SUSD4: variants seen among roughly 807,000 people sequenced by gnomAD.
SUSD4 encodes the protein sushi domain containing 4.
Under a neutral mutation model 50.5 loss-of-function variants are expected in SUSD4, and 41 were observed. The ratio of observed to expected loss-of-function variants is 0.81; its 90% CI spans 0.63 to 1.05. The LOEUF is 1.05. SUSD4 is among the 50% of genes least tolerant of loss of function. SUSD4 has a pLI of 0.00. For synonymous variants in SUSD4, 257 were observed against 257.3 expected, an observed-to-expected ratio of 1.00 and a Z score of 0.01; for missense variants, 580 against 634.7, an observed-to-expected ratio of 0.91 and a Z score of 0.93.
chr1:223,234,924 A>C (rs1408666445), intron 5 of SUSD4: 2 of 1,565,582 alleles, frequency 1.3e-6, no homozygotes, highest in Non-Finnish European at 1.7e-6. Flanking sequence ...GTTTAATTCA[A>C]ACGTCCTTTA....
intron 3 of SUSD4, among the ~76,000 whole-genome samples, chr1:223,284,624 T>G (rs966599173): frequency 6.6e-6 from 1 of 152,274 alleles, no homozygotes; most frequent in South Asian, 2.1e-4. Context: ...CAACAATAGA[T>G]GAATGGGTAA....
chr1:223,297,328 G>A (rs1260877597), intron 2 of SUSD4, among the ~76,000 whole-genome samples: 2 of 152,176 alleles, frequency 1.3e-5, no homozygotes, highest in African/African-American at 4.8e-5. Context: ...CCAAGGGATG[G>A]TTTTTATTAT....
At chr1:223,349,277 C>T (rs1413965977) in intron 2 of SUSD4, among the ~76,000 whole-genome samples, 1 of 152,142 alleles carries the variant, frequency 6.6e-6, no homozygotes, top group Admixed American at 6.5e-5. Flanking sequence ...TATGTGATGG[C>T]CTCCAGTTAC....
intron 5 of SUSD4, among the ~76,000 whole-genome samples, chr1:223,261,307 T>TC (rs1001230718): frequency 6.6e-6 from 1 of 152,200 alleles, no homozygotes; most frequent in African/African-American, 2.4e-5. Flanking sequence ...CAAATTGCTT[T>TC]CCCCCTGTTA....
intron 2 of SUSD4, among the ~76,000 whole-genome samples, chr1:223,327,808 T>C (rs1401154382): frequency 6.6e-6 from 1 of 152,216 alleles, no homozygotes. Context: ...CAGGCAGTTG[T>C]CACCCGCCTC....
Position 223,229,133 on chromosome 1 carries a change from C to T in SUSD4, c.916+64G>A, listed in dbSNP as rs1228072995. On this transcript the variant is annotated intron_variant, in intron 6 of 8. Transcript: ENST00000366878. This position sits in a 1 kb window ranked among gnomAD's most constrained non-coding sequence, Gnocchi z 4.7. ...GATACAGCTTGGTACATAACCACCA[C>T]CCACTATGTGCAGATGGTCCAAGGA... The T allele has an allele frequency of 1.4e-6, 2 of 1,476,562 alleles. No homozygotes were observed. Among genetic ancestry groups the T allele is most frequent in the East Asian group, 2.3e-5 (1 of 43,450 alleles). The allele number at this position is 1,476,562 out of a possible 1,614,324, so 91.5% of individuals were successfully genotyped here.
intron 5 of SUSD4, among the ~76,000 whole-genome samples, chr1:223,241,855 GTCCTGGAAATTTGT>G (rs1471053621): frequency 1.3e-5 from 2 of 152,176 alleles, no homozygotes; most frequent in African/African-American, 4.8e-5. Flanking sequence ...GCCTTTCAGA[GTCCTGGAAATTTGT>G]TCCTTAGTCT....
chr1:223,317,235 T>A (rs1342140053), intron 2 of SUSD4, among the ~76,000 whole-genome samples: 1 of 152,120 alleles, frequency 6.6e-6, no homozygotes, highest in Non-Finnish European at 1.5e-5. Flanking sequence ...TCTCTGGTCA[T>A]CCTCACTGCT....
In SUSD4 at chr1:223,264,577, T is replaced by C. The variant is rs115931987; in HGVS notation, c.724+53A>G. The C allele has an allele frequency of 6.9e-6, 11 of 1,599,566 alleles. No individual in the cohort carries two copies. In the East Asian group the frequency reaches 2.0e-4, roughly 29 times the overall value. On this transcript the variant is annotated intron_variant, in intron 5 of 8. Coordinates refer to ENST00000366878, the MANE Select transcript of SUSD4 (RefSeq NM_017982.4). ...ACAGCTCTTCCTCCTACTGATCTTC[T>C]TCCTCCCTTTAATAATACAAAATAC...
chr1:223,290,242 A>G (rs1301993655), intron 3 of SUSD4, among the ~76,000 whole-genome samples: 1 of 152,228 alleles, frequency 6.6e-6, no homozygotes. Flanking sequence ...ACAAAGCAGA[A>G]AAAAGACATT....
At position 223,227,754 on chromosome 1, in the gene SUSD4, C is replaced by CAAA; in HGVS notation, c.917-19_917-17dup. 1 of 1,599,232 alleles carries CAAA rather than the reference C, an allele frequency of 6.3e-7. No individual in the cohort carries two copies. The highest frequency in any genetic ancestry group is 8.5e-7 in the Non-Finnish European group (1 of 1,170,754). Reference sequence around the variant, plus strand: ...CACGTTTGCTCTGCATGAGGGAGAACAAAGCTGTACGTGAGGCTCCCAGAC... The same window carrying CAAA: ...CACGTTTGCTCTGCATGAGGGAGAACAAAAAAGCTGTACGTGAGGCTCCCAGAC... On this transcript the variant is annotated splice_polypyrimidine_tract_variant and intron_variant, in intron 6 of 8. Coordinates refer to ENST00000366878, the MANE Select transcript of SUSD4 (RefSeq NM_017982.4). The surrounding 1 kb of genome is among the most constrained non-coding windows in gnomAD (Gnocchi z 4.5).
intron 4 of SUSD4, 113 bp downstream of exon 4, chr1:223,268,389 T>C (rs935925188): frequency 7.2e-7 from 1 of 1,392,716 alleles, no homozygotes; most frequent in African/African-American, 1.5e-5. Context: ...GTAGATGGCT[T>C]TGTTCATTTC....
intron 5 of SUSD4, among the ~76,000 whole-genome samples, chr1:223,252,236 A>AAAT (rs1343732568): frequency 1.3e-4 from 12 of 89,712 alleles, no homozygotes; most frequent in African/African-American, 4.5e-4. Context: ...AAAAAAAAAA[A>AAAT]ATATATATAT....
At chr1:223,240,514 G>A (rs1188921222) in intron 5 of SUSD4, among the ~76,000 whole-genome samples, 2 of 151,698 alleles carry the variant, frequency 1.3e-5, no homozygotes, top group Non-Finnish European at 2.9e-5. Flanking sequence ...TTTCAGTTTG[G>A]GAGGATTCTA....
At position 223,227,505 on chromosome 1, in the gene SUSD4, C is replaced by T. The variant is rs1357824007; in HGVS notation, c.1061+89G>A. ...CCCCTGTTTCCCTTTAGAGCTTCAA[C>T]TTTTCACTCATCACTTTCTCCCTCT... On this transcript the variant is annotated intron_variant, in intron 7 of 8. Transcript: ENST00000366878. The surrounding 1 kb of genome is among the most constrained non-coding windows in gnomAD (Gnocchi z 4.5). 2 of 1,519,218 alleles carry T rather than the reference C, an allele frequency of 1.3e-6. No homozygotes were observed. The highest frequency in any genetic ancestry group is 1.4e-5 in the African/African-American group (1 of 73,316). 94.1% of individuals were successfully genotyped at this position (1,519,218 alleles called of 1,614,324 possible). A position where few individuals can be genotyped will look rare whatever the true frequency, so the allele number is the denominator to read the frequency against.
chr1:223,313,870 G>A (rs140918112), intron 2 of SUSD4, among the ~76,000 whole-genome samples: 32 of 152,214 alleles, frequency 2.1e-4, no homozygotes, highest in African/African-American at 7.0e-4. Flanking sequence ...CAAATGCCAT[G>A]GCAACATCAG....
At chr1:223,364,433 C>A (rs1291170258), upstream of SUSD4, among the ~76,000 whole-genome samples, 2 of 148,226 alleles carry the variant, frequency 1.3e-5, no homozygotes, top group Non-Finnish European at 3.0e-5. The surrounding 1 kb of genome is among the most constrained non-coding windows in gnomAD (Gnocchi z 4.5). Context: ...CCAACCCAGC[C>A]GGCGCCGCGG....
chr1:223,280,028 G>A (rs1571958637), intron 3 of SUSD4, among the ~76,000 whole-genome samples: 4 of 152,194 alleles, frequency 2.6e-5, no homozygotes, highest in African/African-American at 9.6e-5. Flanking sequence ...TTACAGACAA[G>A]CAAATGCTGA....
At chr1:223,348,426 A>G (rs1412959164) in intron 2 of SUSD4, among the ~76,000 whole-genome samples, 1 of 152,096 alleles carries the variant, frequency 6.6e-6, no homozygotes, top group Non-Finnish European at 1.5e-5. Flanking sequence ...CATGTAACAG[A>G]CTCCACATAT....
Sources: gnomAD v4.1 joint callset for allele counts (sites outside exome capture counted in the v4.1 genomes callset) on GRCh38, gnomAD v4.1.1 for gene constraint, Gnocchi (gnomAD v3.1) non-coding constraint, MANE v1.5 for transcripts, NCBI Gene and HGNC (gene_info 2026-07-23, HGNC 2026-07-21) for gene names.